Variants in PKD1L3 observed in about 807,000 individuals in gnomAD.
PKD1L3 encodes polycystin 1 like 3, transient receptor potential channel interacting.
Under a neutral mutation model 184.1 loss-of-function variants are expected in PKD1L3, and 239 were observed. The ratio of observed to expected loss-of-function variants is 1.30; its 90% CI spans 1.17 to 1.45. The LOEUF is 1.45. Among genes scored for constraint, PKD1L3 ranks in the 40% most tolerant of loss-of-function variants. PKD1L3 has a pLI of 0.00. For synonymous variants in PKD1L3, 996 were observed against 778.8 expected, an observed-to-expected ratio of 1.28 and a Z score of -4.64; for missense variants, 2,660 against 2,067.2, an observed-to-expected ratio of 1.29 and a Z score of -5.56.
intron 29 of PKD1L3, 73 bp from the exon 30 acceptor site, chr16:71,929,751 C>T (rs1447692858): frequency 2.2e-6 from 3 of 1,342,558 alleles, no homozygotes; most frequent in Non-Finnish European, 3.0e-6. Context: ...AAAAAAGTAC[C>T]AAAGATTTTT....
chr16:71,998,759 A>AT (rs755093700), intron 1 of PKD1L3, among the ~76,000 whole-genome samples: 12 of 152,148 alleles, frequency 7.9e-5, no homozygotes, highest in East Asian at 1.9e-4. Context: ...CCTGCCAGGC[A>AT]TTTTTTAAAA....
intron 11 of PKD1L3, among the ~76,000 whole-genome samples, chr16:71,976,313 T>C (rs2143685629): frequency 1.4e-5 from 2 of 137,948 alleles, no homozygotes; most frequent in South Asian, 4.9e-4. Context: ...TGGAGCGCAA[T>C]GGTGCGATCT....
intron 23 of PKD1L3, among the ~76,000 whole-genome samples, chr16:71,943,537 C>CAAAAAAAA (rs10693124): frequency 1.2e-4 from 10 of 84,490 alleles, no homozygotes; most frequent in South Asian, 4.8e-4. Context: ...GACTCCGTCT[C>CAAAAAAAA]AAAAAAAAAA....
In PKD1L3 at chr16:72,000,158, A is replaced by G. The variant is rs182033452; in HGVS notation, c.-180T>C. On this transcript the variant is annotated 5_prime_UTR_variant, in exon 1 of 30. Transcript: ENST00000620267. The stretch of plus-strand genomic sequence containing the variant: ...GTGCAGGTCCTACAAGCTGAAAACA[A>G]ATAGCAGAGATCAATAAAACAATGG... Among the ~76,000 whole-genome samples the G allele has an allele frequency of 2.0e-5, 3 of 152,308 alleles. No individual in the cohort carries two copies. The highest frequency in any genetic ancestry group is 7.2e-5 in the African/African-American group (3 of 41,552).
chr16:71,986,292 G>C lies in PKD1L3; in HGVS notation c.763C>G (p.Pro255Ala). 6.4e-7 allele frequency: 1 copy of C among 1,552,120 alleles called. No homozygotes were observed. Among genetic ancestry groups the C allele is most frequent in the Non-Finnish European group, 8.7e-7 (1 of 1,147,076 alleles). ...GQSLAETTSS[P>A]KEEGHPNTFT... ...GTATTCGGATGACCTTCTTCCTTTG[G>C]GCTTGAAGTTGTTTCTGCCAGAGAT... is the stretch of plus-strand genomic sequence containing the variant. The change falls in exon 5 of 30, where the codon CCA (proline) becomes GCA (alanine). Residue 255 changes from proline (P) to alanine (A), a missense_variant. Physicochemically the swap from Pro to Ala is conservative, Grantham distance 27. Coordinates refer to ENST00000620267, the MANE Select transcript of PKD1L3 (RefSeq NM_181536.2).
intron 28 of PKD1L3, chr16:71,930,650 A>T (rs2037917240): frequency 1.3e-5 from 2 of 152,328 alleles, no homozygotes; most frequent in Admixed American, 6.5e-5. Context: ...CTGGCTTTTT[A>T]GTATTTTTTT....
intron 16 of PKD1L3, among the ~76,000 whole-genome samples, chr16:71,954,697 G>GAAC (rs2038980148): frequency 6.6e-6 from 1 of 152,104 alleles, no homozygotes; most frequent in African/African-American, 2.4e-5. Context: ...AAATATGGAG[G>GAAC]AACTATAAAT....
At chr16:71,969,773 G>T in intron 13 of PKD1L3, 102 bp downstream of exon 13, 1 of 1,050,792 alleles carries the variant, frequency 9.5e-7, no homozygotes, top group Non-Finnish European at 1.4e-6. Context: ...ATGCCTCCCA[G>T]TACCAGGCTT....
At chr16:71,967,761 G>A (rs889623471) in intron 14 of PKD1L3, 145 bp downstream of exon 14, 11 of 703,780 alleles carry the variant, frequency 1.6e-5, no homozygotes, top group South Asian at 1.2e-4. Context: ...CCCCATGTGC[G>A]GCCCACATGT....
At chr16:71,988,889 C>T (rs765314161) in intron 4 of PKD1L3, among the ~76,000 whole-genome samples, 6 of 152,148 alleles carry the variant, frequency 3.9e-5, no homozygotes, top group Admixed American at 6.6e-5. Flanking sequence ...AAAAGATAAG[C>T]GTTATCTTAA....
Position 71,979,902 on chromosome 16 carries a change from A to G in PKD1L3, c.1282T>C (p.Ser428Pro), listed in dbSNP as rs531080648. 9.0e-6 allele frequency: 14 copies of G among 1,550,088 alleles called. No homozygotes were observed. The Admixed American group carries it at 9.9e-5, about 11-fold the overall frequency. The change falls in exon 9 of 30, where the codon TCA (serine) becomes CCA (proline). Residue 428 changes from serine to proline, a missense_variant. Ser to Pro is a moderately conservative substitution (Grantham distance 74). Transcript: ENST00000620267. The part of the protein sequence containing the change: ...ATLLLSRQNI[S>P]TLPLSSYTLG... Reference sequence around the variant, plus strand: ...GTGTAAGAGCTCAGCGGTAAAGTTGATATGTTTTGTCTAATGAGAAAAGTT... The same window carrying G: ...GTGTAAGAGCTCAGCGGTAAAGTTGGTATGTTTTGTCTAATGAGAAAAGTT...
At chr16:71,963,084 T>C (rs2039343868) in intron 16 of PKD1L3, 121 bp downstream of exon 16, 3 of 1,092,306 alleles carry the variant, frequency 2.7e-6, no homozygotes, top group Admixed American at 3.2e-5. Flanking sequence ...GTAATGCTTA[T>C]GTATGTTTGA....
chr16:71,981,609 C>T (rs1304338401), intron 7 of PKD1L3, among the ~76,000 whole-genome samples: 1 of 143,468 alleles, frequency 7.0e-6, no homozygotes, highest in Non-Finnish European at 1.5e-5. Context: ...GGCATGATCT[C>T]GATTCACTGC....
chr16:71,954,061 A>AAAAAAAC (rs34041171), intron 17 of PKD1L3, 44 bp downstream of exon 17: 1 of 1,239,376 alleles, frequency 8.1e-7, no homozygotes, highest in East Asian at 3.8e-5. Flanking sequence ...AAAAAAAAAA[A>AAAAAAAC]GGATTGCTTA....
intron 4 of PKD1L3, among the ~76,000 whole-genome samples, chr16:71,988,469 G>T (rs1445545768): frequency 1.3e-5 from 2 of 152,176 alleles, no homozygotes; most frequent in Non-Finnish European, 2.9e-5. Context: ...TATGGGGACT[G>T]CAGGCATAAG....
At chr16:71,950,048 G>A in intron 20 of PKD1L3, 31 bp from the exon 21 acceptor site, 1 of 1,550,268 alleles carries the variant, frequency 6.5e-7, no homozygotes, top group Non-Finnish European at 8.7e-7. Context: ...GAATAATCTT[G>A]TATGCATCGG....
chr16:71,990,420 A>G (rs2040543174), intron 3 of PKD1L3, 91 bp from the exon 4 acceptor site: 1 of 1,113,734 alleles, frequency 9.0e-7, no homozygotes, highest in Non-Finnish European at 1.3e-6. Flanking sequence ...ATGGCTAAAA[A>G]TAATGCAAAT....
chr16:71,998,412 G>C lies in PKD1L3; in HGVS notation c.296-18C>G, dbSNP rs112356548. On this transcript the variant is annotated intron_variant, in intron 1 of 29. Coordinates refer to ENST00000620267, the MANE Select transcript of PKD1L3 (RefSeq NM_181536.2). ...AACGTCTGCTGAGGGGAGATCAGAC[G>C]CAGATGAGCCTCATACTCGAAAGCC... 7,257 of 1,540,640 alleles carry C rather than the reference G, an allele frequency of 4.7e-3. 162 individuals carry two copies. The African/African-American group carries it at 0.063, about 13-fold the overall frequency.
At chr16:71,946,542 A>G (rs1006425722) in intron 22 of PKD1L3, among the ~76,000 whole-genome samples, 1 of 151,846 alleles carries the variant, frequency 6.6e-6, no homozygotes, top group Admixed American at 6.6e-5. Context: ...AGTTAGCCCT[A>G]GTCAGTTAGA....
Sources: allele counts gnomAD v4.1 joint callset (sites outside exome capture counted in the v4.1 genomes callset), GRCh38; gene constraint gnomAD v4.1.1; transcripts MANE v1.5; gene names NCBI Gene and HGNC (gene_info 2026-07-23, HGNC 2026-07-21).